Variants in LHX8 observed in about 807,000 individuals in gnomAD.
LHX8 encodes LIM homeobox 8.
In LHX8, 12 loss-of-function variants were observed where a neutral mutation model predicts 40.3. The ratio of observed to expected loss-of-function variants is 0.30; its 90% CI spans 0.19 to 0.48. The LOEUF is 0.48. Among genes scored for constraint, LHX8 ranks in the 20% least tolerant of loss-of-function variants. The pLI, the probability that LHX8 is intolerant of heterozygous loss-of-function variation, is 0.99. For missense variants in LHX8, 344 were observed against 433.7 expected, an observed-to-expected ratio of 0.79 and a Z score of 1.84; for synonymous variants, 179 against 162.0, an observed-to-expected ratio of 1.10 and a Z score of -0.80.
chr1:75,185,060 A>G, the LHX8 span, among the ~76,000 whole-genome samples: 7,680 of 152,012 alleles, frequency 0.051, 210 homozygotes, highest in Middle Eastern at 0.095. Flanking sequence ...CCAGGAAGAA[A>G]TTGATTCCCT....
At chr1:75,187,256 G>A in the LHX8 span, among the ~76,000 whole-genome samples, 1 of 152,088 alleles carries the variant, frequency 6.6e-6, no homozygotes, top group African/African-American at 2.4e-5. Context: ...CCCCAGTAAA[G>A]TTTGAAAACT....
downstream of LHX8, among the ~76,000 whole-genome samples, chr1:75,162,042 A>G (rs150003121): frequency 6.6e-3 from 1,004 of 152,232 alleles, 13 homozygotes; most frequent in African/African-American, 0.023. Context: ...AAAAAAGGTA[A>G]TGAGAAAAAA....
rs1648169740 is a variant in LHX8, at chr1:75,137,139, T to C, written c.115T>C (p.Ser39Pro). 8 of 1,611,344 alleles carry C rather than the reference T, an allele frequency of 5.0e-6. No individual in the cohort carries two copies. The highest frequency in any genetic ancestry group is 6.8e-6 in the Non-Finnish European group (8 of 1,178,780). ...EGAGDEDSCS[S>P]SAPLSPSSSP... ...AGCGGGGGACGAGGACTCGTGCTCCTCCTCGGCCCCGCTGTCCCCGTCGTC... is the reference window on the plus strand; with the variant it reads ...AGCGGGGGACGAGGACTCGTGCTCCCCCTCGGCCCCGCTGTCCCCGTCGTC... The change falls in exon 3 of 9, where the codon TCC (serine) becomes CCC (proline). Residue 39 changes from serine to proline, a missense_variant. Ser to Pro is a moderately conservative substitution (Grantham distance 74). This residue lies in a region of LHX8 where 108 missense variants were observed against 90.1 expected (regional missense o/e 1.20). Coordinates refer to ENST00000356261, the MANE Select transcript of LHX8 (RefSeq NM_001256114.2).
intron 7 of LHX8, among the ~76,000 whole-genome samples, chr1:75,151,877 A>G (rs1173606711): frequency 1.3e-5 from 2 of 152,216 alleles, no homozygotes; most frequent in Non-Finnish European, 2.9e-5. Flanking sequence ...ATTTCCAGGC[A>G]TTTAGGTTAC....
At chr1:75,133,692 C>G (rs1008055107), upstream of LHX8, among the ~76,000 whole-genome samples, 1 of 152,136 alleles carries the variant, frequency 6.6e-6, no homozygotes, top group Non-Finnish European at 1.5e-5. Flanking sequence ...TTAAGGTACC[C>G]TGAATACCTC....
At chr1:75,176,423 T>G in the LHX8 span, among the ~76,000 whole-genome samples, 1 of 152,348 alleles carries the variant, frequency 6.6e-6, no homozygotes, top group South Asian at 2.1e-4. Flanking sequence ...TGATGGCCAG[T>G]GATGATGAGC....
At chr1:75,185,721 AG>A in the LHX8 span, among the ~76,000 whole-genome samples, 3 of 152,194 alleles carry the variant, frequency 2.0e-5, no homozygotes, top group East Asian at 5.8e-4. Context: ...AAAAAAACAA[AG>A]GGCATTCAAA....
At chr1:75,149,081 C>T (rs1648538365) in intron 7 of LHX8, among the ~76,000 whole-genome samples, 1 of 152,132 alleles carries the variant, frequency 6.6e-6, no homozygotes, top group Non-Finnish European at 1.5e-5. Flanking sequence ...TCACAGCAAC[C>T]CTAAGATCCT....
chr1:75,188,596 T>C, the LHX8 span, among the ~76,000 whole-genome samples: 4 of 152,202 alleles, frequency 2.6e-5, no homozygotes, highest in African/African-American at 4.8e-5. Flanking sequence ...TCTTTTGTCC[T>C]TATGGAGCCC....
At chr1:75,173,965 A>G in the LHX8 span, among the ~76,000 whole-genome samples, 2 of 152,048 alleles carry the variant, frequency 1.3e-5, no homozygotes, top group Admixed American at 1.3e-4. Flanking sequence ...ACCAAAGGAA[A>G]TGCTCTTTGG....
chr1:75,131,634 T>C (rs2100323146), upstream of LHX8: 1 of 152,382 alleles, frequency 6.6e-6, no homozygotes, highest in African/African-American at 2.4e-5. Flanking sequence ...GAGTGGAAGC[T>C]GTGGGGGTCA....
At chr1:75,199,427 A>G in the LHX8 span, among the ~76,000 whole-genome samples, 1 of 152,222 alleles carries the variant, frequency 6.6e-6, no homozygotes, top group Non-Finnish European at 1.5e-5. Flanking sequence ...AGTACAATGA[A>G]AACATCTTTC....
chr1:75,152,918 C>A (rs981779726), intron 7 of LHX8, among the ~76,000 whole-genome samples: 4 of 151,990 alleles, frequency 2.6e-5, no homozygotes. Context: ...ATTTTTAAGA[C>A]CGTATGTTTT....
chr1:75,144,034 T>G, intron 6 of LHX8, 86 bp downstream of exon 6: 1 of 1,018,100 alleles, frequency 9.8e-7, no homozygotes, highest in Non-Finnish European at 1.5e-6. Flanking sequence ...CAAAAACATT[T>G]TTATGTTTTC....
downstream of LHX8, among the ~76,000 whole-genome samples, chr1:75,161,760 C>G (rs1179537624): frequency 6.6e-6 from 1 of 151,598 alleles, no homozygotes; most frequent in African/African-American, 2.4e-5. Flanking sequence ...AGGCAGAACA[C>G]TTTTCAGAAT....
At chr1:75,182,700 A>G in the LHX8 span, among the ~76,000 whole-genome samples, 1 of 152,154 alleles carries the variant, frequency 6.6e-6, no homozygotes, top group Non-Finnish European at 1.5e-5. Flanking sequence ...TACCAGTACC[A>G]TGCCACTTTT....
In LHX8 at chr1:75,134,792, C is replaced by CT; in HGVS notation, c.-174dup. On this transcript the variant is annotated 5_prime_UTR_variant, in exon 1 of 9. Transcript: ENST00000356261. ...CTCCTAAACAAGGTTCAGAAACTAC[C>CT]TGTAACGGCCTCATCTTCAGACCTG... 3.0e-6 allele frequency: 1 copy of CT among 331,252 alleles called. No homozygotes were observed. The highest frequency in any genetic ancestry group is 4.3e-6 in the Non-Finnish European group (1 of 232,818). The allele number at this position is 331,252 out of a possible 1,614,324, so 20.5% of individuals were successfully genotyped here.
intron 1 of LHX8, among the ~76,000 whole-genome samples, chr1:75,135,267 A>G (rs2100328090): frequency 6.6e-6 from 1 of 152,338 alleles, no homozygotes; most frequent in East Asian, 1.9e-4. Flanking sequence ...GGGAGGCAGG[A>G]CCTGTGGGTA....
the LHX8 span, among the ~76,000 whole-genome samples, chr1:75,190,909 T>A: frequency 3.9e-5 from 6 of 152,202 alleles, no homozygotes; most frequent in Admixed American, 3.3e-4. Context: ...TCAAAGAGTT[T>A]GAGTTTAAAA....
Sources: gnomAD v4.1 joint callset for allele counts (sites outside exome capture counted in the v4.1 genomes callset) on GRCh38, gnomAD v4.1.1 for gene constraint, gnomAD v4.1.1 regional missense constraint, MANE v1.5 for transcripts, NCBI Gene and HGNC (gene_info 2026-07-23, HGNC 2026-07-21) for gene names.